PSPC1: variants seen among roughly 807,000 people sequenced by gnomAD.
PSPC1 encodes paraspeckle protein 1.
Under a neutral mutation model 51.6 loss-of-function variants are expected in PSPC1, and 14 were observed. That is an observed-to-expected ratio of 0.27 (90% CI 0.18 to 0.42). The LOEUF is 0.42. PSPC1 is among the 10% of genes least tolerant of loss of function. PSPC1 has a pLI of 1.00. For synonymous variants in PSPC1, 193 were observed against 231.9 expected, an observed-to-expected ratio of 0.83 and a Z score of 1.53; for missense variants, 406 against 701.1, an observed-to-expected ratio of 0.58 and a Z score of 4.75.
intron 6 of PSPC1, among the ~76,000 whole-genome samples, chr13:19,688,153 T>C (rs1466913959): frequency 1.3e-5 from 2 of 152,184 alleles, no homozygotes; most frequent in Non-Finnish European, 2.9e-5. Context: ...AAGAGCATTC[T>C]ATGAAAATCC....
At chr13:19,689,910 AAT>A (rs1174185775) in intron 6 of PSPC1, among the ~76,000 whole-genome samples, 2 of 152,210 alleles carry the variant, frequency 1.3e-5, no homozygotes, top group Non-Finnish European at 2.9e-5. Context: ...ACTGAACAGT[AAT>A]ATATATGAGG....
At chr13:19,726,336 A>G (rs1311568279) in intron 6 of PSPC1, among the ~76,000 whole-genome samples, 1 of 152,198 alleles carries the variant, frequency 6.6e-6, no homozygotes, top group Non-Finnish European at 1.5e-5. Context: ...AAAAAGAAAT[A>G]AGCAAGGTGT....
rs900820703 is a variant in PSPC1 at position 19,679,479 on chromosome 13, G to C, written c.1159-1656C>G. Among the ~76,000 whole-genome samples the C allele has an allele frequency of 1.1e-4, 16 of 152,158 alleles. 1 individual carries two copies. The highest frequency in any genetic ancestry group is 9.8e-4 in the Admixed American group (15 of 15,292). ...CCACTGTGCTCCAGCCTGGGCTACA[G>C]AGCAAGACCCTTTCTCAAAAAAAAA... On this transcript the variant is annotated intron_variant and NMD_transcript_variant, in intron 6 of 7. Transcript: ENST00000471658.
chr13:19,730,975 A>AG (rs1884031076), intron 5 of PSPC1, among the ~76,000 whole-genome samples: 2 of 147,724 alleles, frequency 1.4e-5, no homozygotes, highest in African/African-American at 2.5e-5. Flanking sequence ...CAAAAAAAAA[A>AG]AAAACAGAAA....
intron 8 of PSPC1, among the ~76,000 whole-genome samples, chr13:19,703,637 A>G (rs1880241215): frequency 6.6e-6 from 1 of 152,352 alleles, no homozygotes; most frequent in Admixed American, 6.5e-5. Flanking sequence ...AAGCAAATGT[A>G]ATCTTAAGCC....
chr13:19,747,816 C>G (rs1042789140), intron 4 of PSPC1, among the ~76,000 whole-genome samples: 17 of 152,274 alleles, frequency 1.1e-4, no homozygotes, highest in Admixed American at 9.8e-4. Flanking sequence ...TGAGATTTCT[C>G]CTTCCATGAT....
rs185491165 is a variant in PSPC1 at position 19,743,174 on chromosome 13, T to A, written c.968-1525A>T. Among the ~76,000 whole-genome samples, 706 of 152,330 alleles carry A rather than the reference T, an allele frequency of 4.6e-3. 5 individuals carry two copies. The highest frequency in any genetic ancestry group is 0.027 in the South Asian group (129 of 4,824). On this transcript the variant is annotated intron_variant, in intron 4 of 8. Transcript: ENST00000338910. ...GTGTGATTTTGTATAAAATTATGTATGTATATATGCATATATTTTAAAATA... is the reference window on the plus strand; with the variant it reads ...GTGTGATTTTGTATAAAATTATGTAAGTATATATGCATATATTTTAAAATA...
chr13:19,738,352 G>C (rs533954243), intron 5 of PSPC1, among the ~76,000 whole-genome samples: 2 of 152,198 alleles, frequency 1.3e-5, no homozygotes, highest in South Asian at 4.2e-4. Flanking sequence ...ACCTCCCCCA[G>C]ATACCAGAAT....
chr13:19,772,399 C>G lies in PSPC1; in HGVS notation c.517G>C (p.Glu173Gln). Residue 173 changes from glutamate (E) to glutamine (Q), a missense_variant, in exon 2 of 9, where the codon GAG (glutamate) becomes CAG (glutamine). Around this residue, in one of 5 missense-constraint regions of PSPC1, gnomAD observed 180 missense variants for 337.9 expected, o/e 0.53. Coordinates refer to ENST00000338910, the MANE Select transcript of PSPC1 (RefSeq NM_001354909.2). ...GGACCAAACTGAGAAAATGCTTGCTCTAGCAGCTCATTGGAAACAACTGGA... is the reference window on the plus strand; with the variant it reads ...GGACCAAACTGAGAAAATGCTTGCTGTAGCAGCTCATTGGAAACAACTGGA... ...LSPVVSNELL[E>Q]QAFSQFGPVE... The G allele has an allele frequency of 1.2e-6, 2 of 1,614,236 alleles. No individual in the cohort carries two copies. Among genetic ancestry groups the G allele is most frequent in the East Asian group, 2.2e-5 (1 of 44,888 alleles).
intron 2 of PSPC1, among the ~76,000 whole-genome samples, chr13:19,764,680 C>T (rs1387773850): frequency 2.5e-4 from 1 of 4,040 alleles, no homozygotes; most frequent in Admixed American, 8.9e-3. Flanking sequence ...CAGAACTTGC[C>T]TTAAAAAAAA....
intron 3 of PSPC1, among the ~76,000 whole-genome samples, chr13:19,755,026 A>C (rs1056739924): frequency 3.9e-5 from 6 of 152,078 alleles, no homozygotes; most frequent in Non-Finnish European, 7.4e-5. Flanking sequence ...TGAGCCCAGG[A>C]GTTCGAGACC....
intron 4 of PSPC1, among the ~76,000 whole-genome samples, chr13:19,747,391 G>C (rs1886104032): frequency 6.6e-6 from 1 of 152,134 alleles, no homozygotes; most frequent in Admixed American, 6.6e-5. Context: ...GAGTACAGTG[G>C]CATAATTACA....
intron 6 of PSPC1, among the ~76,000 whole-genome samples, chr13:19,688,902 A>C (rs1878236974): frequency 1.3e-5 from 2 of 152,128 alleles, no homozygotes; most frequent in South Asian, 4.2e-4. Context: ...CATCAAAGAC[A>C]CATTCACATT....
intron 6 of PSPC1, among the ~76,000 whole-genome samples, chr13:19,729,039 A>C (rs770752644): frequency 1.1e-4 from 17 of 152,136 alleles, no homozygotes; most frequent in Non-Finnish European, 2.1e-4. Context: ...AAACAGAAGC[A>C]CCATCAGTAT....
At chr13:19,697,840 G>A (rs1293012872), downstream of PSPC1, among the ~76,000 whole-genome samples, 3 of 152,030 alleles carry the variant, frequency 2.0e-5, no homozygotes, top group Admixed American at 6.6e-5. Context: ...ATCTAATAAT[G>A]TAAAAATATC....
chr13:19,697,426 A>C (rs558526009), intron 6 of PSPC1, among the ~76,000 whole-genome samples: 1 of 152,216 alleles, frequency 6.6e-6, no homozygotes, highest in African/African-American at 2.4e-5. Context: ...ACCAATACAC[A>C]GTAGGTCCCC....
At chr13:19,696,684 T>C (rs1281958109) in intron 6 of PSPC1, among the ~76,000 whole-genome samples, 1 of 152,146 alleles carries the variant, frequency 6.6e-6, no homozygotes, top group Admixed American at 6.5e-5. Flanking sequence ...CAAACTATCA[T>C]TCTATTCATA....
chr13:19,681,316 C>T (rs1344125125), intron 6 of PSPC1, among the ~76,000 whole-genome samples: 1 of 152,018 alleles, frequency 6.6e-6, no homozygotes, highest in African/African-American at 2.4e-5. Context: ...ATTCTCCCAG[C>T]CTTTGAGTAA....
intron 4 of PSPC1, among the ~76,000 whole-genome samples, chr13:19,744,635 G>A (rs1885773253): frequency 6.6e-6 from 1 of 151,956 alleles, no homozygotes; most frequent in Admixed American, 6.6e-5. Flanking sequence ...CGAGGTCTCG[G>A]CTCACTGCAA....
Sources: allele counts gnomAD v4.1 joint callset (sites outside exome capture counted in the v4.1 genomes callset), GRCh38; gene constraint gnomAD v4.1.1; regional missense constraint gnomAD v4.1.1; transcripts MANE v1.5; gene names NCBI Gene and HGNC (gene_info 2026-07-23, HGNC 2026-07-21).